Variants in MSRA observed in about 807,000 individuals in gnomAD.
MSRA encodes methionine sulfoxide reductase A, also known as mitochondrial peptide methionine sulfoxide reductase.
In MSRA, 54 loss-of-function variants were observed where a neutral mutation model predicts 31.3. That is an observed-to-expected ratio of 1.73 (90% confidence interval 1.39 to 2.17). MSRA has a LOEUF of 2.17. Ranked by LOEUF, MSRA falls within the 30% of genes most tolerant of loss-of-function variation. The pLI, the probability that MSRA is intolerant of heterozygous loss-of-function variation, is 0.00. For synonymous variants in MSRA, 169 were observed against 116.5 expected (o/e 1.45, Z -2.90); for missense variants, 507 against 300.9 (o/e 1.69, Z -5.07).
At chr8:10,285,239 C>G (rs533875098) in intron 3 of MSRA, among the ~76,000 whole-genome samples, 1 of 152,132 alleles carries the variant, frequency 6.6e-6, no homozygotes, top group Non-Finnish European at 1.5e-5. Flanking sequence ...TGACAGCCAC[C>G]CTTCCCAATC....
At chr8:10,229,339 A>G (rs1811265887) in intron 2 of MSRA, among the ~76,000 whole-genome samples, 1 of 152,214 alleles carries the variant, frequency 6.6e-6, no homozygotes, top group South Asian at 2.1e-4. Flanking sequence ...GAGTTGGGTG[A>G]TAACCAAAGA....
intron 1 of MSRA, among the ~76,000 whole-genome samples, chr8:10,142,659 C>A (rs1802813951): frequency 6.6e-6 from 1 of 152,156 alleles, no homozygotes; most frequent in Admixed American, 6.5e-5. Context: ...ACTCTGACTT[C>A]TGTTTGTTTT....
chr8:10,101,516 C>A (rs370746209), intron 1 of MSRA, among the ~76,000 whole-genome samples: 61 of 152,220 alleles, frequency 4.0e-4, no homozygotes, highest in African/African-American at 1.4e-3. Context: ...TACCCATAAA[C>A]AATAACTTTC....
chr8:10,226,299 T>C (rs1810995336), intron 2 of MSRA, among the ~76,000 whole-genome samples: 1 of 152,230 alleles, frequency 6.6e-6, no homozygotes, highest in African/African-American at 2.4e-5. Context: ...CTGTTCCTTC[T>C]GGGATGAAAT....
intron 2 of MSRA, among the ~76,000 whole-genome samples, chr8:10,236,927 A>AGC (rs1287693794): frequency 6.6e-6 from 1 of 152,188 alleles, no homozygotes; most frequent in Non-Finnish European, 1.5e-5. Flanking sequence ...ATAAGTGGAG[A>AGC]GCTATGTTAT....
At chr8:10,244,719 T>A (rs990411137) in intron 2 of MSRA, among the ~76,000 whole-genome samples, 10 of 152,342 alleles carry the variant, frequency 6.6e-5, no homozygotes, top group Admixed American at 5.2e-4. Context: ...AATATTTTTT[T>A]AAAAATATGT....
chr8:10,237,497 A>C (rs952183388), intron 2 of MSRA, among the ~76,000 whole-genome samples: 1 of 152,266 alleles, frequency 6.6e-6, no homozygotes, highest in Non-Finnish European at 1.5e-5. Flanking sequence ...AATTCTATTT[A>C]AAAATTTTAA....
intron 4 of MSRA, among the ~76,000 whole-genome samples, chr8:10,315,497 C>T (rs990302994): frequency 3.9e-5 from 6 of 152,136 alleles, no homozygotes; most frequent in Admixed American, 6.5e-5. Context: ...CTTAACTGTG[C>T]GTATCTATTT....
At chr8:10,152,404 G>C (rs1803770761) in intron 1 of MSRA, among the ~76,000 whole-genome samples, 1 of 152,204 alleles carries the variant, frequency 6.6e-6, no homozygotes, top group South Asian at 2.1e-4. Flanking sequence ...CCGAGAGCCA[G>C]TGTGTGTCAG....
At chr8:10,128,785 A>T (rs1237397625) in intron 1 of MSRA, among the ~76,000 whole-genome samples, 1 of 152,236 alleles carries the variant, frequency 6.6e-6, no homozygotes, top group African/African-American at 2.4e-5. Context: ...GGTACTCTTC[A>T]TGACCTCATC....
intron 5 of MSRA, among the ~76,000 whole-genome samples, chr8:10,408,685 C>T (rs956271952): frequency 6.6e-6 from 1 of 152,156 alleles, no homozygotes; most frequent in Non-Finnish European, 1.5e-5. Flanking sequence ...GTTAATATCA[C>T]CCAAATAATG....
rs114336948 is a variant in MSRA, at chr8:10,110,997, G to C, written c.142+56339G>C. On this transcript the variant is annotated intron_variant, in intron 1 of 5. Transcript: ENST00000317173. Reference sequence around the variant, plus strand: ...AAAGGAAAGTCACATTTTTATGTAGGTTCTGTCTGACAAGTGTGGAACCAT... The same window carrying C: ...AAAGGAAAGTCACATTTTTATGTAGCTTCTGTCTGACAAGTGTGGAACCAT... 3.2e-3 allele frequency among the ~76,000 whole-genome samples: 489 copies of C among 152,278 alleles called. 5 individuals are homozygous for C. The highest frequency in any genetic ancestry group is 0.011 in the African/African-American group (474 of 41,540).
intron 5 of MSRA, among the ~76,000 whole-genome samples, chr8:10,334,615 C>T (rs1223659186): frequency 1.3e-5 from 2 of 152,192 alleles, no homozygotes; most frequent in Non-Finnish European, 1.5e-5. Context: ...GCTTGCATTT[C>T]CGCCACCGAG....
At chr8:10,112,085 T>G (rs558800659) in intron 1 of MSRA, among the ~76,000 whole-genome samples, 1 of 143,322 alleles carries the variant, frequency 7.0e-6, no homozygotes, top group Non-Finnish European at 1.5e-5. Context: ...ATAGATAGTC[T>G]TTGTTCTCTA....
At chr8:10,074,958 A>T (rs861497) in intron 1 of MSRA, among the ~76,000 whole-genome samples, 1 of 152,098 alleles carries the variant, frequency 6.6e-6, no homozygotes, top group Non-Finnish European at 1.5e-5. Context: ...CACGCCCGGC[A>T]CCCTGTACTT....
intron 5 of MSRA, among the ~76,000 whole-genome samples, chr8:10,356,406 C>T (rs1039900742): frequency 6.6e-6 from 1 of 152,222 alleles, no homozygotes; most frequent in African/African-American, 2.4e-5. Context: ...AAGAGCCTCT[C>T]CTCCATCTGC....
At chr8:10,112,224 G>C (rs1172704163) in intron 1 of MSRA, among the ~76,000 whole-genome samples, 1 of 152,120 alleles carries the variant, frequency 6.6e-6, no homozygotes, top group Non-Finnish European at 1.5e-5. Context: ...ATAGTTCTTA[G>C]GAAAGCTAGT....
chr8:10,282,908 T>G (rs764991934), intron 3 of MSRA, among the ~76,000 whole-genome samples: 1 of 152,132 alleles, frequency 6.6e-6, no homozygotes, highest in Non-Finnish European at 1.5e-5. Context: ...TGCATGTAAT[T>G]AGCCTCCTTC....
intron 5 of MSRA, among the ~76,000 whole-genome samples, chr8:10,417,754 TTGTGTGTG>T (rs113437676): frequency 3.9e-5 from 5 of 129,842 alleles, no homozygotes; most frequent in African/African-American, 8.6e-5. Context: ...AACCTGCATG[TTGTGTGTG>T]TGTGTGTGTG....
Sources: gnomAD v4.1 joint callset for allele counts (sites outside exome capture counted in the v4.1 genomes callset) on GRCh38, gnomAD v4.1.1 for gene constraint, MANE v1.5 for transcripts, NCBI Gene and HGNC (gene_info 2026-07-23, HGNC 2026-07-21) for gene names.